MYRF: variants seen among roughly 807,000 people sequenced by gnomAD.
MYRF encodes myelin regulatory factor, also known as myelin gene regulatory factor.
In MYRF, 16 loss-of-function variants were observed where a neutral mutation model predicts 126.3. The ratio of observed to expected loss-of-function variants is 0.13; its 90% CI spans 0.09 to 0.19. The LOEUF (loss-of-function observed/expected upper bound fraction) is 0.19, where lower values mean the gene tolerates loss of function less well. MYRF is among the 10% of genes least tolerant of loss of function. MYRF has a pLI of 1.00. For synonymous variants in MYRF, 608 were observed against 635.3 expected (o/e 0.96, Z 0.65); for missense variants, 1,104 against 1,547.0 (o/e 0.71, Z 4.80).
In MYRF at chr11:61,764,948, C is replaced by T. The variant is rs560896004; in HGVS notation, c.47-677C>T. On this transcript the variant is annotated intron_variant, in intron 1 of 26. Transcript: ENST00000278836. ...CTGGAAAAAGGGGGCTAAGTTCCCC[C>T]GCCTGTGCCCAACAGGGTGATGGGC... Among the ~76,000 whole-genome samples, 20 of 152,364 alleles carry T rather than the reference C, an allele frequency of 1.3e-4. No homozygotes were observed. The South Asian group carries it at 1.9e-3, about 14-fold the overall frequency.
chr11:61,778,576 C>A lies in MYRF; in HGVS notation c.2013+87C>A, dbSNP rs2066450803. 2 of 978,498 alleles carry A rather than the reference C, an allele frequency of 2.0e-6. No homozygotes were observed. The highest frequency in any genetic ancestry group is 1.6e-5 in the African/African-American group (1 of 62,676). The allele number at this position is 978,498 out of a possible 1,614,324, so 60.6% of individuals were successfully genotyped here. A position where few individuals can be genotyped will look rare whatever the true frequency, so the allele number is the denominator to read the frequency against. ...TCATCACCTCCATAGATACTGGGGGCACTGCAAAGCAGAGGCAGGAGCACC... is the reference window on the plus strand; with the variant it reads ...TCATCACCTCCATAGATACTGGGGGAACTGCAAAGCAGAGGCAGGAGCACC... On this transcript the variant is annotated intron_variant, in intron 14 of 26. Coordinates refer to ENST00000278836, the MANE Select transcript of MYRF (RefSeq NM_001127392.3). This position sits in a 1 kb window ranked among gnomAD's most constrained non-coding sequence, Gnocchi z 4.6.
chr11:61,777,520 G>A lies in MYRF; in HGVS notation c.1791+56G>A. The A allele has an allele frequency of 6.5e-7, 1 of 1,529,968 alleles. No homozygotes were observed. The highest frequency in any genetic ancestry group is 8.8e-7 in the Non-Finnish European group (1 of 1,131,826). The allele number at this position is 1,529,968 out of a possible 1,614,324, so 94.8% of individuals were successfully genotyped here. On this transcript the variant is annotated intron_variant, in intron 12 of 26. Transcript: ENST00000278836. This position sits in a 1 kb window ranked among gnomAD's most constrained non-coding sequence, Gnocchi z 8.8. The stretch of plus-strand genomic sequence containing the variant: ...TCCAGACGCTGGAGCGGGCCGCGGG[G>A]GCGGGGCTCCTGGGGAGGGGGCGTG...
rs1206982836 is a variant in MYRF, at chr11:61,774,189, G to C, written c.1311+27G>C. 1.9e-6 allele frequency: 3 copies of C among 1,570,708 alleles called. No individual in the cohort carries two copies. The South Asian group carries it at 3.4e-5, about 18-fold the overall frequency. On this transcript the variant is annotated intron_variant, in intron 8 of 26. Transcript: ENST00000278836. ...CAAGTTTGGGGCTCAGCAAGGAAGG[G>C]AGGGCAGGAGGGCCCTTTGGGGGCA...
At position 61,777,456 on chromosome 11, in the gene MYRF, G is replaced by A; in HGVS notation, c.1783G>A (p.Val595Met). The A allele has an allele frequency of 1.2e-6, 2 of 1,609,136 alleles. No individual in the cohort carries two copies. Among genetic ancestry groups the A allele is most frequent in the Admixed American group, 1.7e-5 (1 of 59,424 alleles). Reference sequence around the variant, plus strand: ...CTCCGACCTGCGCGCCAAGGAACACGTGCAGGAGGTGGGGACAGGGCTGTG... The same window carrying A: ...CTCCGACCTGCGCGCCAAGGAACACATGCAGGAGGTGGGGACAGGGCTGTG... ...HPSDLRAKEH[V>M]QEVDTTEQLK... The change falls in exon 12 of 27, where the codon GTG (valine) becomes ATG (methionine). Residue 595 changes from valine (V) to methionine (M), a missense_variant. Physicochemically the swap from Val to Met is conservative, Grantham distance 21. This residue lies in a region of MYRF where 123 missense variants were observed against 209.1 expected (regional missense o/e 0.59). Coordinates refer to ENST00000278836, the MANE Select transcript of MYRF (RefSeq NM_001127392.3). This position sits in a 1 kb window ranked among gnomAD's most constrained non-coding sequence, Gnocchi z 8.8.
At position 61,781,695 on chromosome 11, in the gene MYRF, G is replaced by A. The variant is rs1268727058; in HGVS notation, c.2887G>A (p.Val963Ile). The A allele has an allele frequency of 1.2e-6, 2 of 1,613,486 alleles. No homozygotes were observed. The highest frequency in any genetic ancestry group is 2.7e-5 in the African/African-American group (2 of 74,952). ...TCTGGAGCCTCTGGCCAGCCCTGCA[G>A]TCCCCTTCCCTGGGGGGCAGGGCAA... ...KSLEPLASPA[V>I]PFPGGQGKAK... The change falls in exon 22 of 27, where the codon GTC becomes ATC. Residue 963 changes from valine to isoleucine, a missense_variant. Physicochemically the swap from Val to Ile is conservative, Grantham distance 29. Coordinates refer to ENST00000278836, the MANE Select transcript of MYRF (RefSeq NM_001127392.3).
Position 61,779,426 on chromosome 11 carries a change from A to G in MYRF, c.2174+3A>G. ...ACCGGCAGCTCGGGCGCCTTCAGGT[A>G]GGGGTGCGGGGTGGGGGAAGGTGAG... On this transcript the variant is annotated splice_donor_region_variant and intron_variant, in intron 15 of 26. Coordinates refer to ENST00000278836, the MANE Select transcript of MYRF (RefSeq NM_001127392.3). 1 of 1,551,194 alleles carries G rather than the reference A, an allele frequency of 6.4e-7. No individual in the cohort carries two copies. Among genetic ancestry groups the G allele is most frequent in the South Asian group, 1.2e-5 (1 of 84,030 alleles).
intron 1 of MYRF, chr11:61,755,712 A>T (rs931006764): frequency 1.5e-6 from 1 of 675,134 alleles, no homozygotes; most frequent in African/African-American, 1.8e-5. Context: ...AAGGAGAGAC[A>T]TGTTAGAGTA....
intron 16 of MYRF, 85 bp downstream of exon 16, chr11:61,779,655 A>G (rs2066485983): frequency 7.6e-7 from 1 of 1,323,888 alleles, no homozygotes; most frequent in Non-Finnish European, 1.0e-6. Context: ...CTCCAGCCTC[A>G]CTGCCTCTGG....
At chr11:61,761,258 G>GT (rs898307051) in intron 1 of MYRF, among the ~76,000 whole-genome samples, 36 of 141,530 alleles carry the variant, frequency 2.5e-4, no homozygotes, top group African/African-American at 7.6e-4. Flanking sequence ...GCCACAGCTG[G>GT]TGGGGGGGGG....
rs2066733882 is a variant in MYRF, at chr11:61,788,028, G to A, written c.*1885G>A. On this transcript the variant is annotated 3_prime_UTR_variant, in exon 27 of 27. Transcript: ENST00000278836. ...GACAGGCTGGGGATCCAAGCTGCTT[G>A]AGGGGGTCAACCTTGGACCAAAGTT... 1 of 152,764 alleles carries A rather than the reference G, an allele frequency of 6.5e-6. No homozygotes were observed. The highest frequency in any genetic ancestry group is 6.5e-5 in the Admixed American group (1 of 15,276). The allele number at this position is 152,764 out of a possible 1,614,324, so 9.5% of individuals were successfully genotyped here.
chr11:61,752,849 T>C, intron 1 of MYRF, 59 bp downstream of exon 1: 1 of 1,438,534 alleles, frequency 7.0e-7, no homozygotes, highest in South Asian at 1.3e-5. Flanking sequence ...CCGGCTGATC[T>C]CCCCGGGAAC....
Position 61,783,010 on chromosome 11 carries a change from T to A in MYRF, c.3017-488T>A, listed in dbSNP as rs907942087. 1.9e-5 allele frequency: 3 copies of A among 154,822 alleles called. No homozygotes were observed. Among genetic ancestry groups the A allele is most frequent in the African/African-American group, 7.2e-5 (3 of 41,492 alleles). 9.6% of individuals were successfully genotyped at this position (154,822 alleles called of 1,614,324 possible). A position where few individuals can be genotyped will look rare whatever the true frequency, so the allele number is the denominator to read the frequency against. On this transcript the variant is annotated intron_variant, in intron 22 of 26. Transcript: ENST00000278836. The surrounding 1 kb of genome is among the most constrained non-coding windows in gnomAD (Gnocchi z 4.6). ...ACTTGTCACACTTCAGTCCCACCCCTACCCAGCCAGCCAGCCTGCAGTCGG... is the reference window on the plus strand; with the variant it reads ...ACTTGTCACACTTCAGTCCCACCCCAACCCAGCCAGCCAGCCTGCAGTCGG...
At chr11:61,753,223 T>C (rs951640338) in intron 1 of MYRF, among the ~76,000 whole-genome samples, 2 of 151,960 alleles carry the variant, frequency 1.3e-5, no homozygotes, top group African/African-American at 2.4e-5. Context: ...TCCGTACCTC[T>C]TGAGGCTGGA....
At chr11:61,780,102 C>T in intron 17 of MYRF, 120 bp from the exon 18 acceptor site, 1 of 1,316,076 alleles carries the variant, frequency 7.6e-7, no homozygotes, top group Non-Finnish European at 1.1e-6. Flanking sequence ...CTGGGGTGAC[C>T]CATTTTGTAG....
intron 1 of MYRF, among the ~76,000 whole-genome samples, chr11:61,760,824 A>C (rs2065876234): frequency 6.6e-6 from 1 of 152,158 alleles, no homozygotes; most frequent in African/African-American, 2.4e-5. Context: ...TGGGAAGTCC[A>C]CATTAGAAAC....
At position 61,771,559 on chromosome 11, in the gene MYRF, A is replaced by G. The variant is rs767908100; in HGVS notation, c.800A>G (p.Asn267Ser). ...TCTGAATCCCCCCCCAGCACCCTCA[A>G]TGCCCAGATGCTGAATGGAATGATC... Reference protein sequence around the residue: ...KHSESPPSTLNAQMLNGMIKQ... With the variant: ...KHSESPPSTLSAQMLNGMIKQ... Residue 267 changes from asparagine to serine, a missense_variant, in exon 6 of 27, where the codon AAT (asparagine) becomes AGT (serine). Around this residue, in one of 10 missense-constraint regions of MYRF, gnomAD observed 368 missense variants for 403.9 expected, o/e 0.91. Coordinates refer to ENST00000278836, the MANE Select transcript of MYRF (RefSeq NM_001127392.3). 13 of 1,613,726 alleles carry G rather than the reference A, an allele frequency of 8.1e-6. No homozygotes were observed. The highest frequency in any genetic ancestry group is 6.7e-5 in the Admixed American group (4 of 59,986).
Position 61,752,961 on chromosome 11 carries a change from G to T in MYRF, c.46+171G>T, listed in dbSNP as rs539419383. On this transcript the variant is annotated intron_variant, in intron 1 of 26. Transcript: ENST00000278836. ...TCCCGGGGCTGGGAGTCCCCCAGCG[G>T]TTACCACCCACCGCCGCTGAAGTTG... Among the ~76,000 whole-genome samples the T allele has an allele frequency of 1.1e-4, 16 of 152,100 alleles. No individual in the cohort carries two copies. In the South Asian group the frequency reaches 3.3e-3, roughly 32 times the overall value.
intron 1 of MYRF, among the ~76,000 whole-genome samples, chr11:61,761,267 G>GGC (rs1555053584): frequency 2.0e-5 from 3 of 151,778 alleles, no homozygotes; most frequent in East Asian, 1.9e-4. Context: ...GGTGGGGGGG[G>GGC]GGGCACATAA....
Position 61,757,341 on chromosome 11 carries a change from C to T in MYRF, c.46+4551C>T. On this transcript the variant is annotated intron_variant, in intron 1 of 26. Transcript: ENST00000278836. This position sits in a 1 kb window ranked among gnomAD's most constrained non-coding sequence, Gnocchi z 4.7. ...TGCTTCTCTTGGCCGTATCAGGGCA[C>T]CGCTGTGCCTCCGCTTTCTCATCTG... The T allele has an allele frequency of 2.2e-6, 1 of 456,014 alleles. No individual in the cohort carries two copies. The highest frequency in any genetic ancestry group is 1.5e-5 in the South Asian group (1 of 64,554). 28.2% of individuals were successfully genotyped at this position (456,014 alleles called of 1,614,324 possible). A position where few individuals can be genotyped will look rare whatever the true frequency, so the allele number is the denominator to read the frequency against.
Sources: gnomAD v4.1 joint callset for allele counts (sites outside exome capture counted in the v4.1 genomes callset) on GRCh38, gnomAD v4.1.1 for gene constraint, gnomAD v4.1.1 regional missense constraint, Gnocchi (gnomAD v3.1) non-coding constraint, MANE v1.5 for transcripts, NCBI Gene and HGNC (gene_info 2026-07-23, HGNC 2026-07-21) for gene names.